ANO6: variants seen among roughly 807,000 people sequenced by gnomAD.
ANO6 encodes the protein anoctamin-6.
ANO6 carries 106 observed loss-of-function variants against 117.5 expected under a neutral mutation model. The observed-to-expected ratio is 0.90, with a 90% CI of 0.77 to 1.06. The LOEUF (loss-of-function observed/expected upper bound fraction) is 1.06, where lower values mean the gene tolerates loss of function less well. Ranked by LOEUF, ANO6 falls within the 50% of genes least tolerant of loss-of-function variation. The pLI is 0.00. For synonymous variants in ANO6, 367 were observed against 385.1 expected, an observed-to-expected ratio of 0.95 and a Z score of 0.55; for missense variants, 955 against 1,121.1, an observed-to-expected ratio of 0.85 and a Z score of 2.12.
At chr12:45,334,588 C>G (rs1421349553) in intron 3 of ANO6, among the ~76,000 whole-genome samples, 1 of 152,006 alleles carries the variant, frequency 6.6e-6, no homozygotes, top group Non-Finnish European at 1.5e-5. Context: ...TTACAAGTCT[C>G]TTCCTAAATC....
At chr12:45,260,918 A>G (rs973077528) in intron 1 of ANO6, among the ~76,000 whole-genome samples, 3 of 151,914 alleles carry the variant, frequency 2.0e-5, no homozygotes, top group Non-Finnish European at 2.9e-5. Context: ...TTCTTGAGTA[A>G]CGAGGACTGC....
At chr12:45,223,582 T>C (rs1338282222) in intron 1 of ANO6, among the ~76,000 whole-genome samples, 2 of 152,232 alleles carry the variant, frequency 1.3e-5, no homozygotes, top group Non-Finnish European at 2.9e-5. Flanking sequence ...TCACTTATTT[T>C]TTTGTTCTAT....
chr12:45,433,354 C>T (rs2137748833), downstream of ANO6, among the ~76,000 whole-genome samples: 1 of 152,294 alleles, frequency 6.6e-6, no homozygotes, highest in South Asian at 2.1e-4. Context: ...CTTATTTCCA[C>T]ATTATTACCG....
chr12:45,226,782 A>G (rs1459496830), intron 1 of ANO6, among the ~76,000 whole-genome samples: 1 of 151,868 alleles, frequency 6.6e-6, no homozygotes, highest in East Asian at 1.9e-4. Flanking sequence ...TTTCCCACTA[A>G]ATTCTAAAGA....
At chr12:45,235,440 AAGAT>A (rs1947630865) in intron 1 of ANO6, among the ~76,000 whole-genome samples, 1 of 152,218 alleles carries the variant, frequency 6.6e-6, no homozygotes, top group African/African-American at 2.4e-5. Flanking sequence ...GCACGTAAGA[AAGAT>A]CAAATGTTTA....
intron 15 of ANO6, among the ~76,000 whole-genome samples, chr12:45,408,069 G>A (rs556593277): frequency 1.3e-5 from 2 of 152,312 alleles, no homozygotes; most frequent in Non-Finnish European, 2.9e-5. Context: ...CAATAGCAGT[G>A]GGAAACCCAG....
chr12:45,378,713 G>A (rs1337657171), intron 10 of ANO6, among the ~76,000 whole-genome samples: 1 of 152,182 alleles, frequency 6.6e-6, no homozygotes, highest in Non-Finnish European at 1.5e-5. Context: ...GGCATGATTT[G>A]TTGGAAGCCA....
At chr12:45,262,555 G>T (rs551867152) in intron 1 of ANO6, among the ~76,000 whole-genome samples, 2 of 152,236 alleles carry the variant, frequency 1.3e-5, no homozygotes, top group African/African-American at 2.4e-5. Context: ...CTCCCGAGCA[G>T]CTGGGATTAC....
intron 1 of ANO6, among the ~76,000 whole-genome samples, chr12:45,241,044 T>G (rs987057992): frequency 2.8e-4 from 42 of 152,146 alleles, no homozygotes; most frequent in African/African-American, 9.7e-4. Flanking sequence ...TTGCTCTTCT[T>G]GAGGAGTATC....
chr12:45,383,851 C>T (rs1452530692), intron 10 of ANO6, among the ~76,000 whole-genome samples: 1 of 152,164 alleles, frequency 6.6e-6, no homozygotes, highest in Non-Finnish European at 1.5e-5. Flanking sequence ...GATCTAAGAG[C>T]GTTGGCTTCA....
At chr12:45,286,891 G>T (rs568096073) in intron 1 of ANO6, among the ~76,000 whole-genome samples, 1 of 152,144 alleles carries the variant, frequency 6.6e-6, no homozygotes, top group Non-Finnish European at 1.5e-5. Context: ...CTAAGCTCCC[G>T]TGGTTAGGAA....
chr12:45,260,669 A>G lies in ANO6; in HGVS notation c.71-41345A>G, dbSNP rs961257532. Among the ~76,000 whole-genome samples, 3 of 152,242 alleles carry G rather than the reference A, an allele frequency of 2.0e-5. No individual in the cohort carries two copies. The East Asian group carries it at 5.8e-4, about 29-fold the overall frequency. ...TCCTGCTCAGAGGGATTCAGAGGCC[A>G]TCCAGTTAACAGAATGTAGGGAGAG... is the stretch of plus-strand genomic sequence containing the variant. On this transcript the variant is annotated intron_variant, in intron 1 of 19. Transcript: ENST00000320560.
chr12:45,248,956 G>A (rs1029745264), intron 1 of ANO6, among the ~76,000 whole-genome samples: 3 of 152,186 alleles, frequency 2.0e-5, no homozygotes, highest in African/African-American at 7.2e-5. Flanking sequence ...TGAATCTGCT[G>A]TGGAAATGGA....
At chr12:45,274,176 T>A (rs1938475311) in intron 1 of ANO6, among the ~76,000 whole-genome samples, 1 of 152,212 alleles carries the variant, frequency 6.6e-6, no homozygotes, top group Non-Finnish European at 1.5e-5. Context: ...CCTTAGGTGA[T>A]CTCATTCATT....
chr12:45,249,248 T>A (rs1299329759), intron 1 of ANO6, among the ~76,000 whole-genome samples: 2 of 152,192 alleles, frequency 1.3e-5, no homozygotes, highest in African/African-American at 4.8e-5. Flanking sequence ...AATGCATGAC[T>A]GAAAAAACTA....
At chr12:45,262,598 A>C (rs895001112) in intron 1 of ANO6, among the ~76,000 whole-genome samples, 4 of 151,734 alleles carry the variant, frequency 2.6e-5, no homozygotes, top group South Asian at 2.1e-4. Context: ...CTAATTTTGT[A>C]TTTTTAGTAG....
intron 10 of ANO6, among the ~76,000 whole-genome samples, chr12:45,380,103 G>T (rs564953452): frequency 1.2e-4 from 19 of 152,222 alleles, no homozygotes; most frequent in African/African-American, 3.9e-4. Flanking sequence ...TAGAAATTAT[G>T]AAAGTTGAGA....
chr12:45,275,602 G>A (rs74600350), intron 1 of ANO6, among the ~76,000 whole-genome samples: 2,646 of 152,292 alleles, frequency 0.017, 57 homozygotes, highest in East Asian at 0.085. Flanking sequence ...GTTACGTATG[G>A]TGTCTTTTCC....
At position 45,367,690 on chromosome 12, in the gene ANO6, A is replaced by G. The variant is rs1023220205; in HGVS notation, c.1001A>G (p.Lys334Arg). Residue 334 changes from lysine (K) to arginine (R), a missense_variant and splice_region_variant, in exon 9 of 20, where the codon AAA (lysine) becomes AGA (arginine). Lys to Arg is a conservative substitution (Grantham distance 26). Coordinates refer to ENST00000320560, the MANE Select transcript of ANO6 (RefSeq NM_001025356.3). ...YLNQDNCTWSKEVCHPDIGGK... is the reference protein window; with the variant it reads ...YLNQDNCTWSREVCHPDIGGK... The stretch of plus-strand genomic sequence containing the variant: ...AAGTTTTATTTCTCTCTTTTTAGCA[A>G]AGAAGTTTGTCATCCTGATATTGGT... 13 of 1,611,998 alleles carry G rather than the reference A, an allele frequency of 8.1e-6. No individual in the cohort carries two copies. The highest frequency in any genetic ancestry group is 9.3e-6 in the Non-Finnish European group (11 of 1,178,976).
Sources: allele counts gnomAD v4.1 joint callset (sites outside exome capture counted in the v4.1 genomes callset), GRCh38; gene constraint gnomAD v4.1.1; transcripts MANE v1.5; gene names NCBI Gene and HGNC (gene_info 2026-07-23, HGNC 2026-07-21).